The following ERC2 variants were observed in gnomAD, a reference collection of about 807,000 sequenced individuals.
The protein encoded by ERC2 is ERC protein 2.
Under a neutral mutation model 114.8 loss-of-function variants are expected in ERC2, and 42 were observed. The ratio of observed to expected loss-of-function variants is 0.37; its 90% CI spans 0.29 to 0.47. The LOEUF (loss-of-function observed/expected upper bound fraction) is 0.47. Ranked by LOEUF, ERC2 falls within the 20% of genes least tolerant of loss-of-function variation. The pLI is 0.99. For synonymous variants in ERC2, 454 were observed against 425.5 expected, an observed-to-expected ratio of 1.07 and a Z score of -0.82; for missense variants, 939 against 1,150.7, an observed-to-expected ratio of 0.82 and a Z score of 2.66.
intron 7 of ERC2, among the ~76,000 whole-genome samples, chr3:56,035,789 A>G (rs571942841): frequency 1.3e-5 from 2 of 152,216 alleles, no homozygotes; most frequent in Non-Finnish European, 2.9e-5. Flanking sequence ...TGTTCTTTAC[A>G]AACTACCCAT....
chr3:55,553,226 T>G (rs2055350511), intron 17 of ERC2, among the ~76,000 whole-genome samples: 1 of 151,650 alleles, frequency 6.6e-6, no homozygotes, highest in East Asian at 2.0e-4. Flanking sequence ...TTCATCATAT[T>G]GGCCATGCTG....
chr3:56,097,585 T>G (rs2149797065), intron 6 of ERC2, among the ~76,000 whole-genome samples: 1 of 152,322 alleles, frequency 6.6e-6, no homozygotes. Context: ...GTTTCTTTGT[T>G]CATAGTCCTA....
Position 56,454,858 on chromosome 3 carries a change from C to CAA in ERC2, c.-141+13389_-141+13390insTT, listed in dbSNP as rs1491351849. ...TGGGCAACAGAGTGAGACTCTGTCTCAGAAAAAAAAAAAAAAAAAAAGGAA... is the reference window on the plus strand; with the variant it reads ...TGGGCAACAGAGTGAGACTCTGTCTCAAAGAAAAAAAAAAAAAAAAAAAGGAA... On this transcript the variant is annotated intron_variant, in intron 1 of 17. Transcript: ENST00000288221. Among the ~76,000 whole-genome samples, 3 of 21,606 alleles carry CAA rather than the reference C, an allele frequency of 1.4e-4. 1 individual carries two copies. The highest frequency in any genetic ancestry group is 1.3e-3 in the Admixed American group (2 of 1,546). 14.2% of individuals were successfully genotyped at this position (21,606 alleles called of 152,430 possible). A position where few individuals can be genotyped will look rare whatever the true frequency, so the allele number is the denominator to read the frequency against.
intron 13 of ERC2, among the ~76,000 whole-genome samples, chr3:55,941,300 C>T (rs1450916409): frequency 6.6e-6 from 1 of 152,100 alleles, no homozygotes; most frequent in Non-Finnish European, 1.5e-5. Context: ...AGATGCACTG[C>T]CCTGATGCCC....
chr3:55,609,403 ACTTTTTGCAGGGC>A (rs1303204644), intron 17 of ERC2, among the ~76,000 whole-genome samples: 1 of 152,124 alleles, frequency 6.6e-6, no homozygotes, highest in Non-Finnish European at 1.5e-5. Context: ...AGACACTGAC[ACTTTTTGCAGGGC>A]CTGTGCGATC....
At chr3:55,762,309 G>A (rs888306517) in intron 14 of ERC2, among the ~76,000 whole-genome samples, 2 of 152,134 alleles carry the variant, frequency 1.3e-5, no homozygotes, top group Non-Finnish European at 2.9e-5. Context: ...TGGACAAATA[G>A]GGTAAATTTT....
At chr3:56,349,926 GA>G (rs2058486719) in intron 2 of ERC2, among the ~76,000 whole-genome samples, 2 of 144,514 alleles carry the variant, frequency 1.4e-5, no homozygotes, top group African/African-American at 5.1e-5. Flanking sequence ...AAAAAAAAAA[GA>G]AAAAAAGAAA....
chr3:55,943,017 G>A (rs1000148977), intron 13 of ERC2, among the ~76,000 whole-genome samples: 6 of 152,224 alleles, frequency 3.9e-5, no homozygotes, highest in African/African-American at 1.4e-4. Flanking sequence ...GGTTATTGAT[G>A]TCAGTGTGTC....
intron 3 of ERC2, among the ~76,000 whole-genome samples, chr3:56,210,917 T>C (rs1054844444): frequency 6.6e-6 from 1 of 152,098 alleles, no homozygotes; most frequent in Non-Finnish European, 1.5e-5. Flanking sequence ...AACAAGAAAC[T>C]AAAAGCTTAA....
At chr3:56,073,074 A>C (rs2076816086) in intron 7 of ERC2, among the ~76,000 whole-genome samples, 1 of 152,224 alleles carries the variant, frequency 6.6e-6, no homozygotes. Context: ...ATGTGCACAC[A>C]CACAAACATA....
intron 17 of ERC2, among the ~76,000 whole-genome samples, chr3:55,580,327 C>G (rs1238040637): frequency 6.6e-6 from 1 of 151,878 alleles, no homozygotes; most frequent in African/African-American, 2.4e-5. Context: ...AAGGCTACCA[C>G]TTTGCGAAAA....
At chr3:56,326,389 G>C (rs2057362793) in intron 2 of ERC2, among the ~76,000 whole-genome samples, 1 of 152,142 alleles carries the variant, frequency 6.6e-6, no homozygotes, top group South Asian at 2.1e-4. Context: ...GCAAACCCCA[G>C]CTTTTTTTTC....
At chr3:55,835,345 A>T (rs2060824117) in intron 14 of ERC2, among the ~76,000 whole-genome samples, 1 of 152,196 alleles carries the variant, frequency 6.6e-6, no homozygotes, top group Admixed American at 6.5e-5. Context: ...TTGATGCAAA[A>T]ATCCTCAATG....
intron 12 of ERC2, among the ~76,000 whole-genome samples, chr3:55,960,758 T>A (rs2068300957): frequency 6.6e-6 from 1 of 152,204 alleles, no homozygotes; most frequent in Admixed American, 6.5e-5. Flanking sequence ...ATCCACTCTC[T>A]GCTGGGCAGC....
chr3:56,387,687 G>A (rs1005625315), intron 2 of ERC2, among the ~76,000 whole-genome samples: 2 of 152,154 alleles, frequency 1.3e-5, no homozygotes, highest in Admixed American at 1.3e-4. Context: ...CACCTGAACA[G>A]AGACAAGGGT....
chr3:55,724,294 G>C (rs1457721895), intron 15 of ERC2, among the ~76,000 whole-genome samples: 1 of 152,214 alleles, frequency 6.6e-6, no homozygotes, highest in East Asian at 1.9e-4. Flanking sequence ...AGCCAGCAGG[G>C]GCCAGGCGAG....
intron 3 of ERC2, among the ~76,000 whole-genome samples, chr3:56,259,647 T>TTGATATGATATGATATGATA (rs58550092): frequency 4.2e-5 from 6 of 143,990 alleles, no homozygotes; most frequent in African/African-American, 1.3e-4. Context: ...TGGTACAGAT[T>TTGATATGATATGATATGATA]TGATATGATA....
chr3:56,052,833 C>T (rs941572542), intron 7 of ERC2, among the ~76,000 whole-genome samples: 16 of 152,158 alleles, frequency 1.1e-4, no homozygotes, highest in African/African-American at 3.9e-4. Context: ...AATCATAGGA[C>T]TGTCAGCCCT....
In ERC2 at chr3:55,988,985, C is replaced by T. The variant is rs534138229; in HGVS notation, c.2256-2997G>A. On this transcript the variant is annotated intron_variant, in intron 11 of 17. Transcript: ENST00000288221. ...TCAGAAAGGCAGGCCAAGGCTGAGCCCTTTTTTTCCCAAGAAACTTCCCCT... is the reference window on the plus strand; with the variant it reads ...TCAGAAAGGCAGGCCAAGGCTGAGCTCTTTTTTTCCCAAGAAACTTCCCCT... Among the ~76,000 whole-genome samples, 27 of 152,306 alleles carry T rather than the reference C, an allele frequency of 1.8e-4. 1 individual carries two copies. In the South Asian group the frequency reaches 5.2e-3, roughly 29 times the overall value.
Sources: gnomAD v4.1 joint callset for allele counts (sites outside exome capture counted in the v4.1 genomes callset) on GRCh38, gnomAD v4.1.1 for gene constraint, MANE v1.5 for transcripts, NCBI Gene and HGNC (gene_info 2026-07-23, HGNC 2026-07-21) for gene names.